Variants in PLXDC2 observed in about 807,000 individuals in gnomAD.
PLXDC2 encodes the protein plexin domain-containing protein 2.
A neutral mutation model predicts 68.9 loss-of-function variants in PLXDC2; 40 were observed. The ratio of observed to expected loss-of-function variants is 0.58; its 90% confidence interval spans 0.45 to 0.76. The LOEUF is 0.76. Ranked by LOEUF, PLXDC2 falls within the 30% of genes least tolerant of loss-of-function variation. The probability of loss-of-function intolerance (pLI) is 0.00; values close to 1 mark genes in which losing one functional copy is unlikely to be tolerated. For synonymous variants in PLXDC2, 243 were observed against 234.2 expected (o/e 1.04, Z -0.34); for missense variants, 644 against 661.9 (o/e 0.97, Z 0.30).
chr10:20,239,090 G>T (rs76858344), intron 12 of PLXDC2, among the ~76,000 whole-genome samples: 2,295 of 151,996 alleles, frequency 0.015, 51 homozygotes, highest in African/African-American at 0.051. Context: ...ATTAATCCCT[G>T]TTATTTTAAT....
chr10:19,959,660 T>G (rs1398879511), intron 1 of PLXDC2, among the ~76,000 whole-genome samples: 1 of 152,210 alleles, frequency 6.6e-6, no homozygotes, highest in Non-Finnish European at 1.5e-5. Flanking sequence ...GGTCTTTATT[T>G]AAATCAGCAA....
At chr10:19,932,944 T>G (rs1182390625) in intron 1 of PLXDC2, among the ~76,000 whole-genome samples, 1 of 152,202 alleles carries the variant, frequency 6.6e-6, no homozygotes, top group Non-Finnish European at 1.5e-5. Flanking sequence ...TTACCTTTTG[T>G]ATTAGTCCTT....
At chr10:20,162,315 G>C (rs1455276139) in intron 6 of PLXDC2, among the ~76,000 whole-genome samples, 1 of 152,100 alleles carries the variant, frequency 6.6e-6, no homozygotes, top group Non-Finnish European at 1.5e-5. Context: ...TGACATAATA[G>C]GATTTTCCAG....
At chr10:19,873,431 A>C (rs1589512583) in intron 1 of PLXDC2, among the ~76,000 whole-genome samples, 1 of 132,396 alleles carries the variant, frequency 7.6e-6, no homozygotes, top group South Asian at 2.3e-4. Flanking sequence ...TTTTTTTTGA[A>C]CTGAGACCTT....
intron 2 of PLXDC2, among the ~76,000 whole-genome samples, chr10:20,035,526 G>A (rs1030584954): frequency 1.1e-4 from 17 of 151,688 alleles, no homozygotes; most frequent in African/African-American, 2.9e-4. Context: ...GTAAAACCCC[G>A]TCTCTACTAA....
intron 9 of PLXDC2, among the ~76,000 whole-genome samples, chr10:20,202,929 A>C (rs757714299): frequency 2.6e-5 from 4 of 152,036 alleles, no homozygotes; most frequent in Non-Finnish European, 4.4e-5. Flanking sequence ...ATTTCTGTCT[A>C]CCTTTTTATA....
chr10:20,202,995 A>G (rs1309694364), intron 9 of PLXDC2, among the ~76,000 whole-genome samples: 1 of 152,102 alleles, frequency 6.6e-6, no homozygotes, highest in Non-Finnish European at 1.5e-5. Flanking sequence ...TTTTGCCAAC[A>G]TCATCAGTGG....
intron 1 of PLXDC2, among the ~76,000 whole-genome samples, chr10:19,991,002 T>C (rs1162399565): frequency 6.6e-6 from 1 of 152,152 alleles, no homozygotes; most frequent in Non-Finnish European, 1.5e-5. Flanking sequence ...ATCCCAGCAC[T>C]TTGGGAGGCC....
chr10:20,064,592 A>T (rs1836169177), intron 3 of PLXDC2, among the ~76,000 whole-genome samples: 1 of 152,046 alleles, frequency 6.6e-6, no homozygotes, highest in Middle Eastern at 3.2e-3. Context: ...GGGGTCATTT[A>T]TTATTTAATA....
intron 2 of PLXDC2, among the ~76,000 whole-genome samples, chr10:20,010,431 A>G (rs1389492542): frequency 1.3e-5 from 2 of 152,224 alleles, no homozygotes; most frequent in Non-Finnish European, 2.9e-5. Flanking sequence ...CTCACCCTCA[A>G]AAAAGATAAT....
chr10:20,116,914 G>C lies in PLXDC2; in HGVS notation c.542-26381G>C, dbSNP rs1296992050. On this transcript the variant is annotated intron_variant, in intron 4 of 13. Coordinates refer to ENST00000377252, the MANE Select transcript of PLXDC2 (RefSeq NM_032812.9). ...CATTTAGGTATCTATTTTAAAGGAAGAGTTTATTGTTTCTGTGTTAAAATA... is the reference window on the plus strand; with the variant it reads ...CATTTAGGTATCTATTTTAAAGGAACAGTTTATTGTTTCTGTGTTAAAATA... 7.9e-5 allele frequency among the ~76,000 whole-genome samples: 12 copies of C among 152,022 alleles called. No homozygotes were observed. The East Asian group carries it at 2.3e-3, about 29-fold the overall frequency.
intron 13 of PLXDC2, among the ~76,000 whole-genome samples, chr10:20,276,905 T>G (rs1564374131): frequency 6.6e-6 from 1 of 152,110 alleles, no homozygotes; most frequent in Non-Finnish European, 1.5e-5. Flanking sequence ...GCATAGATGT[T>G]AAGGACTTTT....
intron 1 of PLXDC2, among the ~76,000 whole-genome samples, chr10:19,845,645 C>T (rs1836994530): frequency 6.6e-6 from 1 of 152,118 alleles, no homozygotes; most frequent in Admixed American, 6.5e-5. Context: ...GTGTTATAGC[C>T]CTGGTGATGT....
chr10:19,994,760 T>G (rs1241296089), intron 1 of PLXDC2, among the ~76,000 whole-genome samples: 1 of 150,906 alleles, frequency 6.6e-6, no homozygotes. Context: ...TTTTTGTGTG[T>G]GTGACAGAGT....
intron 3 of PLXDC2, among the ~76,000 whole-genome samples, chr10:20,048,304 G>A (rs1407412982): frequency 6.6e-6 from 1 of 152,022 alleles, no homozygotes; most frequent in Non-Finnish European, 1.5e-5. Flanking sequence ...TTTCGGTGTA[G>A]AGCACATGCT....
At chr10:19,950,892 C>T (rs1833981018) in intron 1 of PLXDC2, among the ~76,000 whole-genome samples, 1 of 152,022 alleles carries the variant, frequency 6.6e-6, no homozygotes, top group African/African-American at 2.4e-5. Context: ...CAGAAATAAG[C>T]AAGGGGAGAA....
chr10:20,221,108 G>T (rs1835206134), intron 12 of PLXDC2, among the ~76,000 whole-genome samples: 1 of 151,804 alleles, frequency 6.6e-6, no homozygotes, highest in South Asian at 2.1e-4. Flanking sequence ...CTCCCAAAGT[G>T]CTGGGATTAC....
At chr10:19,837,401 A>T (rs989662006) in intron 1 of PLXDC2, among the ~76,000 whole-genome samples, 7 of 47,366 alleles carry the variant, frequency 1.5e-4, no homozygotes, top group Admixed American at 3.3e-4. Flanking sequence ...AGAGAGAGAG[A>T]GAGAGAGAGT....
intron 1 of PLXDC2, among the ~76,000 whole-genome samples, chr10:19,901,186 A>T (rs1214730645): frequency 6.6e-6 from 1 of 152,072 alleles, no homozygotes; most frequent in Non-Finnish European, 1.5e-5. Flanking sequence ...CTCTGGGTAG[A>T]CACCTAGTAA....
Sources: gnomAD v4.1 joint callset for allele counts (sites outside exome capture counted in the v4.1 genomes callset) on GRCh38, gnomAD v4.1.1 for gene constraint, MANE v1.5 for transcripts, NCBI Gene and HGNC (gene_info 2026-07-23, HGNC 2026-07-21) for gene names.